RBFOX1: variants seen among roughly 807,000 people sequenced by gnomAD.
RBFOX1 encodes the protein RNA binding fox-1 homolog 1, also known as RNA binding protein fox-1 homolog 1.
Under a neutral mutation model 57.7 loss-of-function variants are expected in RBFOX1, and 8 were observed. The observed-to-expected ratio is 0.14, with a 90% CI of 0.08 to 0.25. The LOEUF is 0.25. Ranked by LOEUF, RBFOX1 falls within the 10% of genes least tolerant of loss-of-function variation. RBFOX1 has a pLI of 1.00. For missense variants in RBFOX1, 611 were observed against 548.5 expected, an observed-to-expected ratio of 1.11 and a Z score of -1.14; for synonymous variants, 326 against 222.4, an observed-to-expected ratio of 1.47 and a Z score of -4.15.
chr16:5,445,610 C>G (rs1038701379), intron 1 of RBFOX1, among the ~76,000 whole-genome samples: 2 of 152,196 alleles, frequency 1.3e-5, no homozygotes, highest in African/African-American at 4.8e-5. Flanking sequence ...AGGATAATCC[C>G]CATGAGCTAC....
intron 2 of RBFOX1, among the ~76,000 whole-genome samples, chr16:6,417,033 A>G (rs143879085): frequency 1.2e-3 from 188 of 152,046 alleles, no homozygotes; most frequent in African/African-American, 4.4e-3. Context: ...TTTTTTTGAG[A>G]CAGAGTCTCT....
intron 2 of RBFOX1, among the ~76,000 whole-genome samples, chr16:6,557,728 C>T (rs1278934704): frequency 6.6e-6 from 1 of 152,132 alleles, no homozygotes; most frequent in African/African-American, 2.4e-5. Flanking sequence ...TAAGCATTTT[C>T]CTTCTTCGGT....
chr16:5,277,337 A>G (rs765728333), intron 1 of RBFOX1, among the ~76,000 whole-genome samples: 2 of 152,140 alleles, frequency 1.3e-5, no homozygotes, highest in South Asian at 2.1e-4. Context: ...ATAAAAGACT[A>G]TATACATTGG....
intron 3 of RBFOX1, among the ~76,000 whole-genome samples, chr16:5,670,569 G>A (rs545791380): frequency 5.1e-4 from 77 of 152,320 alleles, no homozygotes; most frequent in African/African-American, 1.7e-3. Context: ...GATACTGCCT[G>A]AGGTCCTGGG....
chr16:6,534,655 T>TA (rs544104804), intron 2 of RBFOX1, among the ~76,000 whole-genome samples: 7 of 152,118 alleles, frequency 4.6e-5, no homozygotes, highest in Non-Finnish European at 8.8e-5. Flanking sequence ...ATAAATGCAA[T>TA]AAAAAAATCT....
chr16:7,465,686 C>A (rs557226500), intron 4 of RBFOX1, among the ~76,000 whole-genome samples: 2 of 152,156 alleles, frequency 1.3e-5, no homozygotes, highest in Admixed American at 6.5e-5. Context: ...CCTGGGGATC[C>A]TTTGCTTCTG....
At chr16:7,613,391 T>G (rs1027462496) in intron 10 of RBFOX1, among the ~76,000 whole-genome samples, 2 of 152,094 alleles carry the variant, frequency 1.3e-5, no homozygotes, top group African/African-American at 4.8e-5. Flanking sequence ...TCAGAGAACA[T>G]CACAGACTGT....
At chr16:6,213,900 G>T (rs939412408) in intron 1 of RBFOX1, among the ~76,000 whole-genome samples, 1 of 152,118 alleles carries the variant, frequency 6.6e-6, no homozygotes, top group Non-Finnish European at 1.5e-5. Context: ...ATTATTGGAT[G>T]CTTAGCAGCA....
intron 2 of RBFOX1, among the ~76,000 whole-genome samples, chr16:6,489,836 A>C (rs1251266320): frequency 1.3e-5 from 2 of 152,188 alleles, no homozygotes; most frequent in African/African-American, 2.4e-5. Context: ...AAAAGCCACC[A>C]AAGGGAAACA....
At chr16:6,267,674 C>T (rs770783012) in intron 1 of RBFOX1, among the ~76,000 whole-genome samples, 5 of 152,176 alleles carry the variant, frequency 3.3e-5, no homozygotes, top group African/African-American at 4.8e-5. Flanking sequence ...GAGAGATCTA[C>T]TCCTAAAACC....
Position 6,463,782 on chromosome 16 carries a change from A to T in RBFOX1, c.-64+146725A>T, listed in dbSNP as rs140457624. Among the ~76,000 whole-genome samples the T allele has an allele frequency of 5.1e-3, 775 of 152,350 alleles. 6 individuals are homozygous for T. The highest frequency in any genetic ancestry group is 0.018 in the African/African-American group (745 of 41,588). On this transcript the variant is annotated intron_variant, in intron 2 of 15. Coordinates refer to ENST00000550418, the MANE Select transcript of RBFOX1 (RefSeq NM_018723.4). Reference sequence around the variant, plus strand: ...TTCATCTTATTCCCTGAACAGCACCAGCAAAGCACACTGAATCACGTGCCC... The same window carrying T: ...TTCATCTTATTCCCTGAACAGCACCTGCAAAGCACACTGAATCACGTGCCC...
At chr16:6,047,099 A>G (rs2152427543) in intron 1 of RBFOX1, among the ~76,000 whole-genome samples, 1 of 152,358 alleles carries the variant, frequency 6.6e-6, no homozygotes, top group East Asian at 1.9e-4. Context: ...GCATTATCAT[A>G]TGGAATGATT....
chr16:6,531,363 A>C lies in RBFOX1; in HGVS notation c.-63-123240A>C, dbSNP rs1366884629. ...GACTCATGGCTTTGTGGGTGAGCTG[A>C]GGAGCAGGTACCAGAGCTCTCAGAC... On this transcript the variant is annotated intron_variant, in intron 2 of 15. Transcript: ENST00000550418. Among the ~76,000 whole-genome samples, 3 of 152,168 alleles carry C rather than the reference A, an allele frequency of 2.0e-5. No homozygotes were observed. The East Asian group carries it at 5.8e-4, about 29-fold the overall frequency.
At chr16:5,442,717 G>A (rs1433431244) in intron 1 of RBFOX1, among the ~76,000 whole-genome samples, 1 of 152,124 alleles carries the variant, frequency 6.6e-6, no homozygotes, top group Non-Finnish European at 1.5e-5. Flanking sequence ...CACACACCTA[G>A]CATTATGTTT....
At chr16:7,028,882 C>G (rs1467017050) in intron 3 of RBFOX1, among the ~76,000 whole-genome samples, 2 of 150,870 alleles carry the variant, frequency 1.3e-5, no homozygotes, top group Non-Finnish European at 2.9e-5. Context: ...GGAATCCAAG[C>G]TCTGCCACTC....
intron 3 of RBFOX1, among the ~76,000 whole-genome samples, chr16:5,830,261 C>T (rs2056217171): frequency 6.6e-6 from 1 of 152,142 alleles, no homozygotes; most frequent in South Asian, 2.1e-4. Flanking sequence ...TTCAGCTTTC[C>T]TATGCATTTT....
At chr16:7,548,031 C>G (rs1026627827) in intron 5 of RBFOX1, among the ~76,000 whole-genome samples, 1 of 152,190 alleles carries the variant, frequency 6.6e-6, no homozygotes, top group Non-Finnish European at 1.5e-5. Context: ...AAAGAGGACA[C>G]TCTGTAAACA....
Position 6,561,028 on chromosome 16 carries a change from C to A in RBFOX1, c.-63-93575C>A, listed in dbSNP as rs76577316. ...AGACAACTTCAAACGCACCCTCCAA[C>A]CACAGGCTTAAGTTGAATTATCTGC... On this transcript the variant is annotated intron_variant, in intron 2 of 15. Transcript: ENST00000550418. Among the ~76,000 whole-genome samples the A allele has an allele frequency of 2.1e-3, 323 of 152,354 alleles. 1 individual carries two copies. Among genetic ancestry groups the A allele is most frequent in the African/African-American group, 7.5e-3 (310 of 41,578 alleles).
At chr16:5,931,766 C>T (rs1022315740) in intron 4 of RBFOX1, among the ~76,000 whole-genome samples, 2 of 152,062 alleles carry the variant, frequency 1.3e-5, no homozygotes, top group Non-Finnish European at 2.9e-5. Flanking sequence ...ATGCATATAC[C>T]CTGAATATTG....
Sources: gnomAD v4.1 joint callset for allele counts (sites outside exome capture counted in the v4.1 genomes callset) on GRCh38, gnomAD v4.1.1 for gene constraint, MANE v1.5 for transcripts, NCBI Gene and HGNC (gene_info 2026-07-23, HGNC 2026-07-21) for gene names.